The following GALNT13 variants were observed in gnomAD, a reference collection of about 807,000 sequenced individuals.
GALNT13 encodes the protein UDP-GalNAc:polypeptide N-acetylgalactosaminyltransferase 13.
In GALNT13, 28 loss-of-function variants were observed where a neutral mutation model predicts 64.2. The observed-to-expected ratio is 0.44, with a 90% CI of 0.32 to 0.60. The LOEUF is 0.60. Among genes scored for constraint, GALNT13 ranks in the 20% least tolerant of loss-of-function variants. GALNT13 has a pLI of 0.05. For synonymous variants in GALNT13, 214 were observed against 224.6 expected, an observed-to-expected ratio of 0.95 and a Z score of 0.42; for missense variants, 577 against 669.8, an observed-to-expected ratio of 0.86 and a Z score of 1.53.
At chr2:153,571,069 T>C in the GALNT13 span, among the ~76,000 whole-genome samples, 1 of 152,174 alleles carries the variant, frequency 6.6e-6, no homozygotes, top group South Asian at 2.1e-4. Context: ...TTTAACAATA[T>C]TGATTCTTCC....
the GALNT13 span, among the ~76,000 whole-genome samples, chr2:153,848,578 T>C: frequency 6.6e-6 from 1 of 152,166 alleles, no homozygotes; most frequent in African/African-American, 2.4e-5. Flanking sequence ...ATTACTGTAG[T>C]AAAATCTGTC....
At chr2:154,443,835 T>C (rs146843574) in intron 12 of GALNT13, among the ~76,000 whole-genome samples, 53 of 152,262 alleles carry the variant, frequency 3.5e-4, no homozygotes, top group African/African-American at 1.2e-3. Context: ...TATTTTTACA[T>C]GTTACGATTA....
the GALNT13 span, among the ~76,000 whole-genome samples, chr2:153,502,115 G>A: frequency 5.6e-3 from 843 of 151,506 alleles, 10 homozygotes; most frequent in African/African-American, 0.019. Context: ...ATAGGTTTTT[G>A]GGGGAACAGG....
At chr2:153,474,144 C>T in the GALNT13 span, among the ~76,000 whole-genome samples, 2 of 152,074 alleles carry the variant, frequency 1.3e-5, no homozygotes, top group East Asian at 3.9e-4. Flanking sequence ...CACAAAAGAT[C>T]AAGACTGGAA....
At chr2:153,375,705 A>T in the GALNT13 span, among the ~76,000 whole-genome samples, 5 of 152,244 alleles carry the variant, frequency 3.3e-5, no homozygotes, top group Non-Finnish European at 7.3e-5. Context: ...TAGAAGAGGC[A>T]TTCAGACTAT....
the GALNT13 span, among the ~76,000 whole-genome samples, chr2:153,173,517 G>T: frequency 2.1e-4 from 32 of 152,164 alleles, no homozygotes; most frequent in African/African-American, 7.7e-4. Flanking sequence ...TCTTTCCTCT[G>T]TGTGTATCTG....
chr2:153,905,502 TA>T (rs1158566500), intron 2 of GALNT13, among the ~76,000 whole-genome samples: 2 of 152,004 alleles, frequency 1.3e-5, no homozygotes, highest in Non-Finnish European at 2.9e-5. Flanking sequence ...TATGTGAATA[TA>T]GTCTCCTTGT....
intron 8 of GALNT13, among the ~76,000 whole-genome samples, chr2:154,271,716 A>AT (rs1691365860): frequency 3.9e-5 from 6 of 151,930 alleles, no homozygotes; most frequent in African/African-American, 1.4e-4. Context: ...CATGAATACT[A>AT]TCTGTTTATT....
chr2:153,254,123 T>C, the GALNT13 span, among the ~76,000 whole-genome samples: 2 of 152,198 alleles, frequency 1.3e-5, no homozygotes, highest in African/African-American at 4.8e-5. Context: ...TGGTAAGCTA[T>C]TGATTATTGC....
At chr2:154,417,521 A>ATTTATTTATTTTTTTTT (rs1553529811) in intron 11 of GALNT13, among the ~76,000 whole-genome samples, 1 of 139,052 alleles carries the variant, frequency 7.2e-6, no homozygotes, top group East Asian at 2.1e-4. Flanking sequence ...TTATTTATTT[A>ATTTATTTATTTTTTTTT]TTTTTTTGAG....
intron 7 of GALNT13, among the ~76,000 whole-genome samples, chr2:154,252,503 C>A (rs183142363): frequency 2.5e-3 from 279 of 110,958 alleles, no homozygotes; most frequent in African/African-American, 9.2e-3. Context: ...ACTACAGGTG[C>A]CCGCCACCAT....
the GALNT13 span, among the ~76,000 whole-genome samples, chr2:153,234,177 T>G: frequency 6.6e-6 from 1 of 152,146 alleles, no homozygotes; most frequent in African/African-American, 2.4e-5. Context: ...TTTGCTTGAT[T>G]TGAGAAGGGG....
intron 9 of GALNT13, among the ~76,000 whole-genome samples, chr2:154,339,009 G>A (rs1298537993): frequency 1.3e-5 from 2 of 152,084 alleles, no homozygotes; most frequent in African/African-American, 4.8e-5. Flanking sequence ...AATGCACTTT[G>A]GAGAAAAGAA....
chr2:153,710,231 C>T, the GALNT13 span, among the ~76,000 whole-genome samples: 3 of 151,930 alleles, frequency 2.0e-5, no homozygotes, highest in Admixed American at 6.6e-5. Flanking sequence ...CACATAACTT[C>T]GTACCTAAGA....
rs573346889 is a variant in GALNT13 at position 154,001,755 on chromosome 2, GT to G, written c.142+57120del. ...TTAATTTGTATGCTTTTACCACAGA[GT>G]TTTATACTTTCAGATGTTGTTTTGA... On this transcript the variant is annotated intron_variant, in intron 3 of 12. Coordinates refer to ENST00000392825, the MANE Select transcript of GALNT13 (RefSeq NM_052917.4). 7.9e-5 allele frequency among the ~76,000 whole-genome samples: 12 copies of G among 152,086 alleles called. No homozygotes were observed. In the East Asian group the frequency reaches 2.1e-3, roughly 27 times the overall value.
At chr2:153,142,964 G>A in the GALNT13 span, among the ~76,000 whole-genome samples, 1 of 151,940 alleles carries the variant, frequency 6.6e-6, no homozygotes, top group Non-Finnish European at 1.5e-5. Context: ...ACTTCCCAAG[G>A]AGAATATACT....
intron 9 of GALNT13, among the ~76,000 whole-genome samples, chr2:154,379,233 TGAC>T (rs948187798): frequency 2.0e-5 from 3 of 152,140 alleles, no homozygotes; most frequent in Non-Finnish European, 4.4e-5. Context: ...CATATCATAT[TGAC>T]TAAGGACTAC....
upstream of GALNT13, among the ~76,000 whole-genome samples, chr2:153,867,216 T>C (rs553253972): frequency 4.6e-5 from 7 of 152,278 alleles, 1 homozygote; most frequent in South Asian, 1.4e-3. Flanking sequence ...CCACCCACAA[T>C]GGGCTATACT....
intron 12 of GALNT13, among the ~76,000 whole-genome samples, chr2:154,444,776 A>G (rs1452671962): frequency 6.6e-6 from 1 of 152,088 alleles, no homozygotes; most frequent in African/African-American, 2.4e-5. Flanking sequence ...CTGAAATACA[A>G]TATATTTTTG....
Sources: allele counts gnomAD v4.1 joint callset (sites outside exome capture counted in the v4.1 genomes callset), GRCh38; gene constraint gnomAD v4.1.1; transcripts MANE v1.5; gene names NCBI Gene and HGNC (gene_info 2026-07-23, HGNC 2026-07-21).